PIP5K1C: variants seen among roughly 807,000 people sequenced by gnomAD.
PIP5K1C encodes phosphatidylinositol-4-phosphate 5-kinase type 1 gamma.
In PIP5K1C, 45 loss-of-function variants were observed where a neutral mutation model predicts 80.1. That is an observed-to-expected ratio of 0.56 (90% confidence interval 0.44 to 0.72). The LOEUF (loss-of-function observed/expected upper bound fraction) is 0.72, where lower values mean the gene tolerates loss of function less well. Ranked by LOEUF, PIP5K1C falls within the 30% of genes least tolerant of loss-of-function variation. PIP5K1C has a pLI of 0.00. For synonymous variants in PIP5K1C, 498 were observed against 420.1 expected, an observed-to-expected ratio of 1.19 and a Z score of -2.27; for missense variants, 753 against 954.6, an observed-to-expected ratio of 0.79 and a Z score of 2.78.
intron 13 of PIP5K1C, 129 bp downstream of exon 13, chr19:3,643,114 A>C: frequency 6.7e-7 from 1 of 1,493,492 alleles, no homozygotes; most frequent in Non-Finnish European, 9.2e-7. Flanking sequence ...CATGCAGTGT[A>C]TGTACATCCA....
chr19:3,692,035 C>A lies in PIP5K1C; in HGVS notation c.94+8262G>T, dbSNP rs927194248. On this transcript the variant is annotated intron_variant, in intron 1 of 17. Transcript: ENST00000335312. The surrounding 1 kb of genome is among the most constrained non-coding windows in gnomAD (Gnocchi z 5.2). The stretch of plus-strand genomic sequence containing the variant: ...TGCACCGTGGCCAGTCCAAGCACCG[C>A]ACGGGAAGGGTGCACAGTGGGAGCT... Among the ~76,000 whole-genome samples the A allele has an allele frequency of 6.6e-6, 1 of 152,226 alleles. No individual in the cohort carries two copies. The highest frequency in any genetic ancestry group is 1.5e-5 in the Non-Finnish European group (1 of 68,032).
chr19:3,656,653 C>G, intron 5 of PIP5K1C, 96 bp from the exon 6 acceptor site: 1 of 1,394,826 alleles, frequency 7.2e-7, no homozygotes, highest in Non-Finnish European at 1.0e-6. Flanking sequence ...GAACTGATGA[C>G]GGGTCGCTGC....
At chr19:3,639,170 A>G (rs1490003118) in intron 15 of PIP5K1C, among the ~76,000 whole-genome samples, 154 bp from the exon 16 acceptor site, 1 of 152,160 alleles carries the variant, frequency 6.6e-6, no homozygotes, top group Non-Finnish European at 1.5e-5. Flanking sequence ...CTGCGCTGCC[A>G]TTTATCGCAA....
At chr19:3,635,599 C>A (rs939724192) in intron 16 of PIP5K1C, among the ~76,000 whole-genome samples, 1 of 149,616 alleles carries the variant, frequency 6.7e-6, no homozygotes, top group Non-Finnish European at 1.5e-5. Flanking sequence ...GCAGAAGAAT[C>A]GCTTGAACCC....
At position 3,687,881 on chromosome 19, in the gene PIP5K1C, C is replaced by T. The variant is rs372817522; in HGVS notation, c.94+12416G>A. Among the ~76,000 whole-genome samples, 33 of 152,314 alleles carry T rather than the reference C, an allele frequency of 2.2e-4. 1 individual carries two copies. The East Asian group carries it at 4.8e-3, about 22-fold the overall frequency. ...CGGTAAACAGGAAGCTCTGCGCAGG[C>T]GGGCGGAGCATCCAGAACTCCGCAG... On this transcript the variant is annotated intron_variant, in intron 1 of 17. Coordinates refer to ENST00000335312, the MANE Select transcript of PIP5K1C (RefSeq NM_012398.3).
chr19:3,697,744 C>A (rs978195716), intron 1 of PIP5K1C, among the ~76,000 whole-genome samples: 9 of 152,190 alleles, frequency 5.9e-5, no homozygotes, highest in Middle Eastern at 3.2e-3. Flanking sequence ...TGGGGCATCA[C>A]AGAGACAGGA....
intron 1 of PIP5K1C, among the ~76,000 whole-genome samples, chr19:3,699,843 C>G (rs1296697790): frequency 6.6e-6 from 1 of 152,224 alleles, no homozygotes; most frequent in Non-Finnish European, 1.5e-5. Context: ...TTTTCCTCCC[C>G]TCATTTTAGC....
chr19:3,675,757 G>C (rs533828739), intron 1 of PIP5K1C, among the ~76,000 whole-genome samples: 1 of 152,196 alleles, frequency 6.6e-6, no homozygotes, highest in Non-Finnish European at 1.5e-5. Context: ...GGGCTGGATT[G>C]TTCTCTGGGC....
chr19:3,691,391 C>T (rs966037076), intron 1 of PIP5K1C, among the ~76,000 whole-genome samples: 8 of 152,206 alleles, frequency 5.3e-5, no homozygotes, highest in East Asian at 1.9e-4. Context: ...ACGTTGCAAA[C>T]GGCCCGCCTG....
At chr19:3,685,411 C>G (rs2035727569) in intron 1 of PIP5K1C, among the ~76,000 whole-genome samples, 1 of 152,126 alleles carries the variant, frequency 6.6e-6, no homozygotes, top group Non-Finnish European at 1.5e-5. Context: ...TACCACAGTC[C>G]AGGGGCCGAA....
At chr19:3,682,195 G>C (rs181798831) in intron 1 of PIP5K1C, among the ~76,000 whole-genome samples, 1 of 152,022 alleles carries the variant, frequency 6.6e-6, no homozygotes, top group African/African-American at 2.4e-5. Context: ...CCAACATGGT[G>C]AGGCCCCGTC....
intron 16 of PIP5K1C, among the ~76,000 whole-genome samples, chr19:3,634,248 G>A (rs760297196): frequency 6.6e-6 from 1 of 152,080 alleles, no homozygotes; most frequent in African/African-American, 2.4e-5. Flanking sequence ...GAGGGAGGGA[G>A]GGTGCGTTCC....
At chr19:3,654,126 G>A (rs1260414377) in intron 6 of PIP5K1C, among the ~76,000 whole-genome samples, 3 of 152,158 alleles carry the variant, frequency 2.0e-5, no homozygotes, top group Non-Finnish European at 2.9e-5. Flanking sequence ...CTCAGCCTCC[G>A]AAAGTGCCAG....
intron 5 of PIP5K1C, among the ~76,000 whole-genome samples, chr19:3,660,138 C>T (rs1046041759): frequency 7.9e-5 from 12 of 152,106 alleles, no homozygotes; most frequent in African/African-American, 2.7e-4. Flanking sequence ...CCCAGCACTA[C>T]GGGAGGCTGA....
chr19:3,641,159 G>C (rs1432380081), intron 15 of PIP5K1C, among the ~76,000 whole-genome samples: 3 of 151,934 alleles, frequency 2.0e-5, no homozygotes, highest in Non-Finnish European at 2.9e-5. Flanking sequence ...AGGCTGCAGT[G>C]AGCCAAGATT....
chr19:3,663,540 G>C (rs2034907260), intron 3 of PIP5K1C, among the ~76,000 whole-genome samples: 1 of 152,222 alleles, frequency 6.6e-6, no homozygotes, highest in African/African-American at 2.4e-5. Flanking sequence ...TCAAACCACA[G>C]GGGGGCCACG....
intron 1 of PIP5K1C, among the ~76,000 whole-genome samples, chr19:3,675,610 C>T (rs1337108947): frequency 1.3e-5 from 2 of 152,222 alleles, no homozygotes; most frequent in Admixed American, 6.5e-5. Context: ...TGGACAGTCT[C>T]GTCCATGGTG....
rs756719604 is a variant in PIP5K1C, at chr19:3,634,106, GC to G, written c.1921-587del. Reference sequence around the variant, plus strand: ...ACCCACCCTGCAAGAGCCAGGAGACGCCTTCCTGAGCAGCAGGGCAGAGTGA... The same window carrying G: ...ACCCACCCTGCAAGAGCCAGGAGACGCTTCCTGAGCAGCAGGGCAGAGTGA... On this transcript the variant is annotated intron_variant, in intron 16 of 17. Coordinates refer to ENST00000335312, the MANE Select transcript of PIP5K1C (RefSeq NM_012398.3). Among the ~76,000 whole-genome samples the G allele has an allele frequency of 5.3e-5, 8 of 152,238 alleles. 1 individual carries two copies. The East Asian group carries it at 1.4e-3, about 26-fold the overall frequency.
intron 1 of PIP5K1C, among the ~76,000 whole-genome samples, chr19:3,677,950 G>T (rs1312766836): frequency 5.4e-5 from 7 of 130,806 alleles, no homozygotes; most frequent in Admixed American, 7.4e-5. Context: ...GATGGAGGGA[G>T]GGATGGATGG....
Sources: allele counts gnomAD v4.1 joint callset (sites outside exome capture counted in the v4.1 genomes callset), GRCh38; gene constraint gnomAD v4.1.1; non-coding constraint Gnocchi (gnomAD v3.1); transcripts MANE v1.5; gene names NCBI Gene and HGNC (gene_info 2026-07-23, HGNC 2026-07-21).